Variants in ESRRG observed in about 807,000 individuals in gnomAD.
ESRRG encodes estrogen-related receptor gamma.
A neutral mutation model predicts 44.0 loss-of-function variants in ESRRG; 13 were observed. The observed-to-expected ratio is 0.30, with a 90% CI of 0.19 to 0.47. The LOEUF is 0.47. ESRRG is among the 20% of genes least tolerant of loss of function. The pLI is 1.00. For synonymous variants in ESRRG, 215 were observed against 214.6 expected (o/e 1.00, Z -0.02); for missense variants, 395 against 580.6 (o/e 0.68, Z 3.29).
chr1:216,871,022 T>C (rs1011045872), intron 2 of ESRRG, among the ~76,000 whole-genome samples: 1 of 152,038 alleles, frequency 6.6e-6, no homozygotes, highest in African/African-American at 2.4e-5. Flanking sequence ...CTCTTCATTC[T>C]ACTTACTTTC....
intron 2 of ESRRG, among the ~76,000 whole-genome samples, chr1:216,874,388 G>C (rs1312675231): frequency 6.6e-6 from 1 of 152,092 alleles, no homozygotes; most frequent in African/African-American, 2.4e-5. Flanking sequence ...ATTCCAAACT[G>C]AATGTATTAT....
At chr1:217,115,012 G>A (rs1200011771) in intron 1 of ESRRG, among the ~76,000 whole-genome samples, 3 of 152,158 alleles carry the variant, frequency 2.0e-5, no homozygotes, top group Non-Finnish European at 2.9e-5. Context: ...TCTGCTTTGT[G>A]TAGGGAAGAG....
intron 2 of ESRRG, among the ~76,000 whole-genome samples, chr1:216,675,151 G>A (rs1003484830): frequency 2.6e-5 from 4 of 151,714 alleles, no homozygotes; most frequent in Non-Finnish European, 4.4e-5. Flanking sequence ...ACGTGAGGTC[G>A]GGAGTTCGAG....
intron 2 of ESRRG, among the ~76,000 whole-genome samples, chr1:216,771,078 G>A (rs1476923108): frequency 6.6e-6 from 1 of 152,038 alleles, no homozygotes; most frequent in South Asian, 2.1e-4. Flanking sequence ...GGGCTCAAGG[G>A]ATCCTCCTGC....
chr1:217,073,739 AAAAGGAGGGAGAAAACAAGGAAG>A (rs2090902061), intron 1 of ESRRG, among the ~76,000 whole-genome samples: 1 of 151,570 alleles, frequency 6.6e-6, no homozygotes, highest in Admixed American at 6.6e-5. Context: ...AGGAAGAAAG[AAAAGGAGGGAGAAAACAAGGAAG>A]AAAGGAGGAA....
At chr1:216,522,543 C>T (rs1033185590) in intron 5 of ESRRG, among the ~76,000 whole-genome samples, 84 of 152,078 alleles carry the variant, frequency 5.5e-4, no homozygotes, top group Non-Finnish European at 8.4e-4. Context: ...AAGAGCTCTC[C>T]TGCCCAAATG....
chr1:216,698,116 G>C (rs2080562883), intron 1 of ESRRG, among the ~76,000 whole-genome samples: 1 of 152,120 alleles, frequency 6.6e-6, no homozygotes, highest in South Asian at 2.1e-4. Flanking sequence ...CTTATCCAAT[G>C]CTCAGTAGGA....
rs11301281 is a variant in ESRRG, at chr1:216,880,304, C to CAAAAAAAAAAAAAAAAA, written c.-14+59261_-14+59277dup. 1.5e-3 allele frequency among the ~76,000 whole-genome samples: 44 copies of CAAAAAAAAAAAAAAAAA among 29,032 alleles called. 6 individuals carry two copies. Among genetic ancestry groups the CAAAAAAAAAAAAAAAAA allele is most frequent in the African/African-American group, 1.5e-3 (11 of 7,158 alleles). 19.0% of individuals were successfully genotyped at this position (29,032 alleles called of 152,430 possible). A position where few individuals can be genotyped will look rare whatever the true frequency, so the allele number is the denominator to read the frequency against. On this transcript the variant is annotated intron_variant, in intron 2 of 7. Transcript: ENST00000359162. Reference sequence around the variant, plus strand: ...CCTGAGCGACAACAAGCCTCCCTCTCAAAAAAAAAAAAAAAAAAAAAAAAA... The same window carrying CAAAAAAAAAAAAAAAAA: ...CCTGAGCGACAACAAGCCTCCCTCTCAAAAAAAAAAAAAAAAAAAAAAAAAAAAAAAAAAAAAAAAAA...
intron 5 of ESRRG, among the ~76,000 whole-genome samples, chr1:216,530,133 A>AAAAAAAG (rs1491152312): frequency 7.4e-6 from 1 of 135,960 alleles, no homozygotes; most frequent in African/African-American, 2.9e-5. Context: ...AAAAAAAAAA[A>AAAAAAAG]GGGGGTGGGG....
chr1:216,575,111 C>T (rs1176809835), intron 3 of ESRRG, among the ~76,000 whole-genome samples: 1 of 152,094 alleles, frequency 6.6e-6, no homozygotes, highest in Non-Finnish European at 1.5e-5. Flanking sequence ...TCCTTCGGGA[C>T]AATATCCTGA....
Position 216,506,745 on chromosome 1 carries a change from G to A in ESRRG, c.*194C>T. ...GGAAGAAAGAGGAAAGAAGATGATG[G>A]AGAAAGTAGAAAGAAACTCATCAGG... On this transcript the variant is annotated 3_prime_UTR_variant, in exon 7 of 7. Coordinates refer to ENST00000408911, the MANE Select transcript of ESRRG (RefSeq NM_001438.4). The A allele has an allele frequency of 3.0e-6, 2 of 656,964 alleles. No homozygotes were observed. Among genetic ancestry groups the A allele is most frequent in the South Asian group, 3.6e-5 (2 of 55,422 alleles). 40.7% of individuals were successfully genotyped at this position (656,964 alleles called of 1,614,324 possible).
intron 1 of ESRRG, among the ~76,000 whole-genome samples, chr1:217,114,744 C>T (rs1311180595): frequency 2.7e-5 from 4 of 149,980 alleles, no homozygotes; most frequent in African/African-American, 7.4e-5. Flanking sequence ...GCAATCTCTG[C>T]CCCCTGGGTT....
chr1:217,056,826 C>G (rs1042938938), intron 1 of ESRRG, among the ~76,000 whole-genome samples: 1 of 151,634 alleles, frequency 6.6e-6, no homozygotes, highest in African/African-American at 2.4e-5. Context: ...CCACCAACTG[C>G]CAGAAATTCT....
chr1:216,718,029 A>G (rs931889425), intron 1 of ESRRG, among the ~76,000 whole-genome samples: 4 of 151,878 alleles, frequency 2.6e-5, no homozygotes, highest in African/African-American at 9.7e-5. Flanking sequence ...TGATTTCCAG[A>G]TACTGAATAC....
chr1:216,964,223 C>T (rs75313960), intron 1 of ESRRG, among the ~76,000 whole-genome samples: 1 of 152,148 alleles, frequency 6.6e-6, no homozygotes, highest in Non-Finnish European at 1.5e-5. Flanking sequence ...AGCAAAGTCA[C>T]TGGCACAAAG....
chr1:216,658,457 A>G (rs1026783224), intron 2 of ESRRG, among the ~76,000 whole-genome samples: 6 of 152,058 alleles, frequency 3.9e-5, no homozygotes, highest in African/African-American at 1.4e-4. Flanking sequence ...ATTCTATGTC[A>G]ATCTTTAGCA....
intron 1 of ESRRG, chr1:216,939,717 G>GAAAA (rs34078475): frequency 7.2e-6 from 1 of 139,090 alleles, no homozygotes; most frequent in Non-Finnish European, 1.6e-5. Context: ...CCCAAAAAAG[G>GAAAA]AAAAAAAAAA....
In ESRRG at chr1:216,985,409, T is replaced by A. The variant is rs372989055; in HGVS notation, c.-105-45736A>T. 5.3e-5 allele frequency among the ~76,000 whole-genome samples: 8 copies of A among 152,178 alleles called. No homozygotes were observed. In the East Asian group the frequency reaches 1.4e-3, roughly 26 times the overall value. On this transcript the variant is annotated intron_variant, in intron 1 of 7. Coordinates refer to the ESRRG transcript ENST00000359162. ...CAATCCAGGCTGGAGAAGGAAGAGG[T>A]AGTACAAGGTTTCTCCAAATATTTC...
intron 2 of ESRRG, among the ~76,000 whole-genome samples, chr1:216,854,609 C>T (rs1179104266): frequency 6.6e-6 from 1 of 152,094 alleles, no homozygotes; most frequent in African/African-American, 2.4e-5. Flanking sequence ...TTTCCACTTT[C>T]ACTTCTTAGG....
Sources: allele counts gnomAD v4.1 joint callset (sites outside exome capture counted in the v4.1 genomes callset), GRCh38; gene constraint gnomAD v4.1.1; transcripts MANE v1.5; gene names NCBI Gene and HGNC (gene_info 2026-07-23, HGNC 2026-07-21).